The following TMEM116 variants were observed in gnomAD, a reference collection of about 807,000 sequenced individuals.
The protein encoded by TMEM116 is transmembrane protein 116.
A neutral mutation model predicts 44.3 loss-of-function variants in TMEM116; 38 were observed. The observed-to-expected ratio is 0.86, with a 90% confidence interval of 0.66 to 1.12. The LOEUF is 1.12. Among genes scored for constraint, TMEM116 ranks in the 50% most tolerant of loss-of-function variants. The pLI is 0.00. For synonymous variants in TMEM116, 132 were observed against 144.8 expected (o/e 0.91, Z 0.64); for missense variants, 354 against 401.7 (o/e 0.88, Z 1.01).
chr12:111,975,116 C>A (rs926116143), intron 4 of TMEM116, among the ~76,000 whole-genome samples: 2 of 152,198 alleles, frequency 1.3e-5, no homozygotes, highest in African/African-American at 2.4e-5. Flanking sequence ...CAATTAAAAT[C>A]TCAGCAGACA....
chr12:111,941,537 A>G (rs1284472407), intron 5 of TMEM116, among the ~76,000 whole-genome samples: 1 of 152,172 alleles, frequency 6.6e-6, no homozygotes, highest in Admixed American at 6.5e-5. Flanking sequence ...CAATTCCTCA[A>G]TCACACTAGC....
chr12:111,936,346 A>T, intron 8 of TMEM116: 1 of 171,490 alleles, frequency 5.8e-6, no homozygotes, highest in East Asian at 1.5e-4. Flanking sequence ...AAATTAAATC[A>T]AAGCATATGT....
At chr12:111,975,929 G>A (rs1261201895) in intron 4 of TMEM116, among the ~76,000 whole-genome samples, 1 of 152,174 alleles carries the variant, frequency 6.6e-6, no homozygotes, top group Non-Finnish European at 1.5e-5. Flanking sequence ...CGTCAAAGGG[G>A]CTTCAGTGTA....
At chr12:112,012,900 G>C (rs959865331) in intron 1 of TMEM116, 102 bp downstream of exon 1, 1 of 154,560 alleles carries the variant, frequency 6.5e-6, no homozygotes, top group African/African-American at 2.4e-5. Flanking sequence ...CGCCAAGCCT[G>C]GCCAAAAAGC....
chr12:111,935,860 C>T (rs573988364), intron 8 of TMEM116: 23 of 152,174 alleles, frequency 1.5e-4, no homozygotes, highest in African/African-American at 5.5e-4. Flanking sequence ...AGACTAGTTT[C>T]GAATTCCTGG....
chr12:111,934,911 T>C (rs2072007724), intron 8 of TMEM116: 1 of 152,190 alleles, frequency 6.6e-6, no homozygotes, highest in African/African-American at 2.4e-5. Flanking sequence ...AAAATTAAAT[T>C]AGATAACACT....
chr12:111,934,816 T>C (rs1007218339), intron 8 of TMEM116: 1 of 152,102 alleles, frequency 6.6e-6, no homozygotes, highest in Non-Finnish European at 1.5e-5. Flanking sequence ...ACAAATTGCT[T>C]TTTCCCTATT....
intron 5 of TMEM116, among the ~76,000 whole-genome samples, chr12:111,942,223 C>A (rs77809791): frequency 0.092 from 13,944 of 152,060 alleles, 707 homozygotes; most frequent in East Asian, 0.23. Flanking sequence ...CAGGTGTGAG[C>A]CACCACGCCC....
At chr12:112,010,242 T>C (rs2136758127) in intron 1 of TMEM116, among the ~76,000 whole-genome samples, 1 of 152,330 alleles carries the variant, frequency 6.6e-6, no homozygotes, top group South Asian at 2.1e-4. Context: ...TAAAGCCTTG[T>C]TTCACCACCT....
chr12:111,940,567 G>GTATA lies in TMEM116; in HGVS notation c.316-2361_316-2358dup, dbSNP rs138347540. On this transcript the variant is annotated intron_variant, in intron 5 of 10. Coordinates refer to ENST00000552374, the MANE Select transcript of TMEM116 (RefSeq NM_001193531.2). ...TATACACACACACATATATATGTGT[G>GTATA]TATATATATATATATATCTTCGGCT... Among the ~76,000 whole-genome samples the GTATA allele has an allele frequency of 0.037, 4,787 of 129,850 alleles. 514 individuals are homozygous for GTATA. The East Asian group carries it at 0.44, about 12-fold the overall frequency. The allele number at this position is 129,850 out of a possible 152,430, so 85.2% of individuals were successfully genotyped here.
intron 4 of TMEM116, among the ~76,000 whole-genome samples, chr12:111,983,945 T>C (rs2076085420): frequency 6.6e-6 from 1 of 152,008 alleles, no homozygotes; most frequent in African/African-American, 2.4e-5. Flanking sequence ...GCAAACAAAA[T>C]TCAACCGCAC....
In TMEM116 at chr12:111,931,500, TC is replaced by T; in HGVS notation, c.*120del. On this transcript the variant is annotated 3_prime_UTR_variant, in exon 11 of 11. Coordinates refer to ENST00000552374, the MANE Select transcript of TMEM116 (RefSeq NM_001193531.2). ...TGACTACTAACAATGGCACTATATT[TC>T]CTTTGAGTTCTGCAGTTTAGGGCAT... 1.1e-6 allele frequency: 1 copy of T among 888,196 alleles called. No individual in the cohort carries two copies. The allele number at this position is 888,196 out of a possible 1,614,324, so 55.0% of individuals were successfully genotyped here.
chr12:111,949,008 G>T (rs1565886629), intron 4 of TMEM116, among the ~76,000 whole-genome samples: 1 of 151,522 alleles, frequency 6.6e-6, no homozygotes, highest in Non-Finnish European at 1.5e-5. Context: ...AGGTGGTGGG[G>T]TGGCGGGGGT....
Position 111,931,416 on chromosome 12 carries a change from T to A in TMEM116, c.*205A>T, listed in dbSNP as rs1593244399. On this transcript the variant is annotated 3_prime_UTR_variant, in exon 11 of 11. Coordinates refer to ENST00000552374, the MANE Select transcript of TMEM116 (RefSeq NM_001193531.2). ...TGTCTTCCTCTCCCTGAATAGAGAC[T>A]TTAAGGATCACTAGTGAATCTGGGA... 1.7e-6 allele frequency: 1 copy of A among 590,086 alleles called. No individual in the cohort carries two copies. The highest frequency in any genetic ancestry group is 2.0e-5 in the South Asian group (1 of 49,060). 36.6% of individuals were successfully genotyped at this position (590,086 alleles called of 1,614,324 possible).
intron 5 of TMEM116, among the ~76,000 whole-genome samples, chr12:111,941,375 A>C (rs891884361): frequency 7.2e-6 from 1 of 138,696 alleles, no homozygotes; most frequent in Non-Finnish European, 1.5e-5. Context: ...ATTCCATCTC[A>C]AAAAAAAAAA....
At chr12:111,968,728 C>A (rs2075127116) in intron 4 of TMEM116, among the ~76,000 whole-genome samples, 1 of 152,190 alleles carries the variant, frequency 6.6e-6, no homozygotes. Flanking sequence ...AGTGCAATGG[C>A]TCATGCCTGT....
intron 4 of TMEM116, among the ~76,000 whole-genome samples, chr12:111,955,826 G>T (rs746958744): frequency 2.0e-5 from 3 of 152,124 alleles, no homozygotes; most frequent in Non-Finnish European, 2.9e-5. Context: ...ATGGCCTATA[G>T]TATTCAATAC....
intron 4 of TMEM116, among the ~76,000 whole-genome samples, chr12:111,982,590 C>T (rs1000713252): frequency 2.0e-5 from 3 of 152,000 alleles, no homozygotes; most frequent in African/African-American, 7.3e-5. Context: ...TATGAGCCAC[C>T]GTGCCTGGCC....
At chr12:111,967,558 T>A (rs2075051933) in intron 4 of TMEM116, among the ~76,000 whole-genome samples, 2 of 152,058 alleles carry the variant, frequency 1.3e-5, no homozygotes, top group South Asian at 4.2e-4. Context: ...GGCCTCCCAA[T>A]TTCCCTGAAT....
Sources: gnomAD v4.1 joint callset for allele counts (sites outside exome capture counted in the v4.1 genomes callset) on GRCh38, gnomAD v4.1.1 for gene constraint, MANE v1.5 for transcripts, NCBI Gene and HGNC (gene_info 2026-07-23, HGNC 2026-07-21) for gene names.